Variants in HCN1 observed in about 807,000 individuals in gnomAD.
HCN1 encodes the protein potassium/sodium hyperpolarization-activated cyclic nucleotide-gated channel 1.
HCN1 carries 13 observed loss-of-function variants against 78.9 expected under a neutral mutation model. The observed-to-expected ratio is 0.16, with a 90% CI of 0.11 to 0.26. The LOEUF is 0.26. Ranked by LOEUF, HCN1 falls within the 10% of genes least tolerant of loss-of-function variation. HCN1 has a pLI of 1.00. For synonymous variants in HCN1, 552 were observed against 455.5 expected (o/e 1.21, Z -2.70); for missense variants, 810 against 1,154.3 (o/e 0.70, Z 4.32).
At chr5:45,323,702 C>T (rs866411944) in intron 5 of HCN1, among the ~76,000 whole-genome samples, 3 of 151,910 alleles carry the variant, frequency 2.0e-5, no homozygotes, top group East Asian at 3.9e-4. Context: ...TCTCCTAATG[C>T]TATCCCTCCC....
At chr5:45,665,274 C>T (rs36142983) in intron 1 of HCN1, among the ~76,000 whole-genome samples, 23 of 130,952 alleles carry the variant, frequency 1.8e-4, no homozygotes, top group African/African-American at 6.9e-4. Flanking sequence ...CAGGAAGGGG[C>T]ACATCACACT....
chr5:45,316,447 A>G (rs1486375608), intron 5 of HCN1, among the ~76,000 whole-genome samples: 1 of 152,186 alleles, frequency 6.6e-6, no homozygotes, highest in Non-Finnish European at 1.5e-5. Flanking sequence ...ACAAACCCAC[A>G]GTCAATATCA....
chr5:45,667,964 G>A (rs1746082447), intron 1 of HCN1, among the ~76,000 whole-genome samples: 1 of 151,876 alleles, frequency 6.6e-6, no homozygotes, highest in South Asian at 2.1e-4. Context: ...AATTAAAATG[G>A]TATGTGACTT....
At chr5:45,647,223 A>G (rs1164093168) in intron 1 of HCN1, among the ~76,000 whole-genome samples, 2 of 152,200 alleles carry the variant, frequency 1.3e-5, no homozygotes, top group Admixed American at 1.3e-4. Flanking sequence ...CAGCCATACA[A>G]CATGTACTGG....
intron 3 of HCN1, among the ~76,000 whole-genome samples, chr5:45,449,746 T>G (rs1326622674): frequency 6.6e-6 from 1 of 152,206 alleles, no homozygotes; most frequent in East Asian, 1.9e-4. Context: ...TAATAAATTC[T>G]AGCCCCCAAA....
chr5:45,519,600 T>G (rs1742575894), intron 2 of HCN1, among the ~76,000 whole-genome samples: 1 of 151,968 alleles, frequency 6.6e-6, no homozygotes, highest in African/African-American at 2.4e-5. Flanking sequence ...AAGAAATATA[T>G]GTAGGGTGTG....
chr5:45,260,787 T>A lies in HCN1; in HGVS notation c.*1134A>T, dbSNP rs1744722509. 1 of 152,570 alleles carries A rather than the reference T, an allele frequency of 6.6e-6. No homozygotes were observed. Among genetic ancestry groups the A allele is most frequent in the Non-Finnish European group, 1.5e-5 (1 of 68,024 alleles). 9.5% of individuals were successfully genotyped at this position (152,570 alleles called of 1,614,324 possible). A position where few individuals can be genotyped will look rare whatever the true frequency, so the allele number is the denominator to read the frequency against. ...TCTAGACTTAAGTCAGAGATCCAAG[T>A]CAGCCTTATAGGAATTATAAGATAG... On this transcript the variant is annotated 3_prime_UTR_variant, in exon 8 of 8. Coordinates refer to ENST00000303230, the MANE Select transcript of HCN1 (RefSeq NM_021072.4).
At chr5:45,268,876 T>C (rs552573793) in intron 6 of HCN1, among the ~76,000 whole-genome samples, 1 of 152,324 alleles carries the variant, frequency 6.6e-6, no homozygotes, top group Admixed American at 6.5e-5. Context: ...GCTACTGTAA[T>C]ATAAACAAGG....
intron 1 of HCN1, among the ~76,000 whole-genome samples, chr5:45,682,203 C>T (rs1179634145): frequency 6.7e-6 from 1 of 150,336 alleles, no homozygotes; most frequent in Non-Finnish European, 1.5e-5. Flanking sequence ...ATAATCCACA[C>T]AGTCTATGGT....
chr5:45,423,844 A>G (rs75731615), intron 3 of HCN1, among the ~76,000 whole-genome samples: 4,748 of 152,202 alleles, frequency 0.031, 287 homozygotes, highest in African/African-American at 0.11. Flanking sequence ...TAAATTGCAT[A>G]TTTTTATTTT....
At chr5:45,548,290 A>G (rs2111847092) in intron 2 of HCN1, among the ~76,000 whole-genome samples, 2 of 152,074 alleles carry the variant, frequency 1.3e-5, no homozygotes, top group East Asian at 3.9e-4. Context: ...AATATAGAGT[A>G]AGAATTCAAT....
At chr5:45,507,470 G>GCACACTCCATT (rs1742329458) in intron 2 of HCN1, among the ~76,000 whole-genome samples, 1 of 152,102 alleles carries the variant, frequency 6.6e-6, no homozygotes, top group Non-Finnish European at 1.5e-5. Context: ...AAAGAATAAA[G>GCACACTCCATT]CACACTCCAT....
rs929807453 is a variant in HCN1, at chr5:45,300,124, C to G, written c.1618+3475G>C. 3.3e-5 allele frequency among the ~76,000 whole-genome samples: 5 copies of G among 151,958 alleles called. No individual in the cohort carries two copies. The East Asian group carries it at 9.7e-4, about 29-fold the overall frequency. On this transcript the variant is annotated intron_variant, in intron 6 of 7. Coordinates refer to ENST00000303230, the MANE Select transcript of HCN1 (RefSeq NM_021072.4). ...AGGTATTTAAAACCTCCTCTGAATT[C>G]ACAAAACATATGTCGACTTCACAAA...
rs1746020227 is a variant in HCN1, at chr5:45,317,519, C to CAA, written c.1378-13681_1378-13680insTT. Among the ~76,000 whole-genome samples, 4 of 152,268 alleles carry CAA rather than the reference C, an allele frequency of 2.6e-5. No individual in the cohort carries two copies. In the East Asian group the frequency reaches 7.7e-4, roughly 29 times the overall value. ...ATAGGAATGGGCAAGGACTTCATGA[C>CAA]TAAAACACCAAAAGCAATGGCAACA... is the stretch of plus-strand genomic sequence containing the variant. On this transcript the variant is annotated intron_variant, in intron 5 of 7. Transcript: ENST00000303230.
At chr5:45,476,000 AT>A (rs1741506172) in intron 2 of HCN1, among the ~76,000 whole-genome samples, 2 of 152,184 alleles carry the variant, frequency 1.3e-5, no homozygotes, top group Non-Finnish European at 2.9e-5. Context: ...TTAGCATTAC[AT>A]TTTAAATGAA....
chr5:45,659,052 CT>C (rs1277493535), intron 1 of HCN1, among the ~76,000 whole-genome samples: 1 of 151,952 alleles, frequency 6.6e-6, no homozygotes, highest in Non-Finnish European at 1.5e-5. Flanking sequence ...TTAAGTGTCC[CT>C]GTCTGACAGC....
chr5:45,288,622 A>G (rs1269401171), intron 6 of HCN1, among the ~76,000 whole-genome samples: 1 of 152,008 alleles, frequency 6.6e-6, no homozygotes, highest in Non-Finnish European at 1.5e-5. Flanking sequence ...TAATCCTTTT[A>G]TAGTTTTGAT....
chr5:45,653,108 A>G (rs1745707217), intron 1 of HCN1, among the ~76,000 whole-genome samples: 1 of 152,016 alleles, frequency 6.6e-6, no homozygotes, highest in Admixed American at 6.6e-5. Flanking sequence ...CACAGTCCCA[A>G]GCTAAATTAA....
intron 4 of HCN1, among the ~76,000 whole-genome samples, chr5:45,376,035 A>T (rs1747643951): frequency 8.9e-6 from 1 of 112,808 alleles, no homozygotes; most frequent in Non-Finnish European, 1.6e-5. Flanking sequence ...CTATAATATA[A>T]TATTTTATAA....
Sources: allele counts gnomAD v4.1 joint callset (sites outside exome capture counted in the v4.1 genomes callset), GRCh38; gene constraint gnomAD v4.1.1; transcripts MANE v1.5; gene names NCBI Gene and HGNC (gene_info 2026-07-23, HGNC 2026-07-21).